The following PNMA2 variants were observed in gnomAD, a reference collection of about 807,000 sequenced individuals.
The protein encoded by PNMA2 is paraneoplastic antigen Ma2.
For missense variants in PNMA2, 455 were observed against 452.9 expected (o/e 1.00, Z -0.04); for synonymous variants, 175 against 183.5 (o/e 0.95, Z 0.38).
rs1438849661 is a variant in PNMA2 at position 26,507,611 on chromosome 8, T to A, written c.*50A>T. The A allele has an allele frequency of 1.3e-6, 2 of 1,494,240 alleles. No individual in the cohort carries two copies. Among genetic ancestry groups the A allele is most frequent in the East Asian group, 4.6e-5 (2 of 43,336 alleles). The allele number at this position is 1,494,240 out of a possible 1,614,324, so 92.6% of individuals were successfully genotyped here. ...AGTCCCATACATTAAAGAAAAAAAT[T>A]TTTTAAAGGTCTTAGCCCACTGGCT... On this transcript the variant is annotated 3_prime_UTR_variant, in exon 3 of 3. Coordinates refer to ENST00000522362, the MANE Select transcript of PNMA2 (RefSeq NM_007257.6).
chr8:26,508,221 C>G lies in PNMA2; in HGVS notation c.535G>C (p.Glu179Gln). 1.2e-6 allele frequency: 2 copies of G among 1,608,498 alleles called. No homozygotes were observed. The highest frequency in any genetic ancestry group is 1.7e-6 in the Non-Finnish European group (2 of 1,177,064). Residue 179 changes from glutamate to glutamine, a missense_variant, in exon 3 of 3, where the codon GAG (glutamate) becomes CAG (glutamine). Coordinates refer to ENST00000522362, the MANE Select transcript of PNMA2 (RefSeq NM_007257.6). The surrounding 1 kb of genome is among the most constrained non-coding windows in gnomAD (Gnocchi z 5.5). ...TGTTCCAACCAGACCTCAAAGGACT[C>G]TTCCTCTGGGGCTGGGACAGCACTC... The part of the protein sequence containing the change: ...SGSAVPAPEE[E>Q]SFEVWLEQAT...
chr8:26,508,977 C>T lies in PNMA2; in HGVS notation c.-222G>A. Reference sequence around the variant, plus strand: ...GAACTCAGGACTTCTTGTCTTTAGGCCTGACCCAGGTGGGCAGGTCGTATC... The same window carrying T: ...GAACTCAGGACTTCTTGTCTTTAGGTCTGACCCAGGTGGGCAGGTCGTATC... On this transcript the variant is annotated 5_prime_UTR_variant, in exon 3 of 3. Coordinates refer to ENST00000522362, the MANE Select transcript of PNMA2 (RefSeq NM_007257.6). The surrounding 1 kb of genome is among the most constrained non-coding windows in gnomAD (Gnocchi z 5.5). 1 of 1,289,926 alleles carries T rather than the reference C, an allele frequency of 7.8e-7. No homozygotes were observed. The highest frequency in any genetic ancestry group is 1.0e-6 in the Non-Finnish European group (1 of 996,598). The allele number at this position is 1,289,926 out of a possible 1,614,324, so 79.9% of individuals were successfully genotyped here.
chr8:26,511,250 C>T (rs1808149116), intron 1 of PNMA2, among the ~76,000 whole-genome samples: 1 of 151,762 alleles, frequency 6.6e-6, no homozygotes, highest in South Asian at 2.1e-4. Context: ...TTGGCCTAAA[C>T]ATCTTCATCA....
At position 26,508,626 on chromosome 8, in the gene PNMA2, T is replaced by A; in HGVS notation, c.130A>T (p.Lys44Ter). ...EIQEVLQETL[K>*]SLGRYRLLGK... ...AGCAGTCTATACCTGCCCAGAGACT[T>A]TAAAGTCTCCTGAAGGACCTCCTGA... is the stretch of plus-strand genomic sequence containing the variant. The change falls in exon 3 of 3, where the codon AAG (lysine) becomes TAG (stop). Residue 44 changes from lysine to a stop codon, truncating the protein, a stop_gained. Coordinates refer to ENST00000522362, the MANE Select transcript of PNMA2 (RefSeq NM_007257.6). LOFTEE classifies it high-confidence loss of function. This position sits in a 1 kb window ranked among gnomAD's most constrained non-coding sequence, Gnocchi z 5.5. 6.2e-7 allele frequency: 1 copy of A among 1,614,168 alleles called. No homozygotes were observed. Among genetic ancestry groups the A allele is most frequent in the Non-Finnish European group, 8.5e-7 (1 of 1,180,038 alleles).
In PNMA2 at chr8:26,507,539, G is replaced by T. The variant is rs898755350; in HGVS notation, c.*122C>A. ...AGGAGAGAAGGAGGAAGGGAGGGAA[G>T]GAAGGAAGGAAGGAAGGTCAATAAT... On this transcript the variant is annotated 3_prime_UTR_variant, in exon 3 of 3. Transcript: ENST00000522362. 1.3e-6 allele frequency: 1 copy of T among 790,084 alleles called. No homozygotes were observed. The highest frequency in any genetic ancestry group is 1.8e-5 in the African/African-American group (1 of 56,878). The allele number at this position is 790,084 out of a possible 1,614,324, so 48.9% of individuals were successfully genotyped here.
rs1369951088 is a variant in PNMA2, at chr8:26,509,427, G to A, written c.-489+121C>T. 3 of 152,224 alleles carry A rather than the reference G, an allele frequency of 2.0e-5. No individual in the cohort carries two copies. The highest frequency in any genetic ancestry group is 7.2e-5 in the African/African-American group (3 of 41,442). 9.4% of individuals were successfully genotyped at this position (152,224 alleles called of 1,614,324 possible). ...TTTTTTTTCTCTTGGGGACTCCAAT[G>A]AAATCTGGTGTCCCCACCATATGCT... is the stretch of plus-strand genomic sequence containing the variant. On this transcript the variant is annotated intron_variant, in intron 2 of 2. Transcript: ENST00000522362. The surrounding 1 kb of genome is among the most constrained non-coding windows in gnomAD (Gnocchi z 5.7).
chr8:26,513,410 AC>A (rs1808206958), intron 1 of PNMA2, among the ~76,000 whole-genome samples: 1 of 78,840 alleles, frequency 1.3e-5, no homozygotes, highest in Non-Finnish European at 2.6e-5. Context: ...CTCCCCCGTC[AC>A]CCCAACCACA....
rs538644127 is a variant in PNMA2, at chr8:26,505,290, A to T, written c.*2371T>A. The T allele has an allele frequency of 4.9e-4, 84 of 172,404 alleles. 1 individual carries two copies. The highest frequency in any genetic ancestry group is 1.9e-3 in the African/African-American group (81 of 42,262). 10.7% of individuals were successfully genotyped at this position (172,404 alleles called of 1,614,324 possible). On this transcript the variant is annotated 3_prime_UTR_variant, in exon 3 of 3. Transcript: ENST00000522362. ...TTGTTCATAACAACCGTGTACTCTC[A>T]TCTTCTTATTTTTCAGATGTGGAAA... is the stretch of plus-strand genomic sequence containing the variant.
chr8:26,507,842 T>C lies in PNMA2; in HGVS notation c.914A>G (p.Asn305Ser). The change falls in exon 3 of 3, where the codon AAC becomes AGC. Residue 305 changes from asparagine (N) to serine (S), a missense_variant. Transcript: ENST00000522362. The part of the protein sequence containing the change: ...LEQVMAGATL[N>S]QMLWCRLREL... ...CCTAAGCCGGCACCACAGCATCTGGTTAAGAGTGGCCCCAGCCATGACCTG... is the reference window on the plus strand; with the variant it reads ...CCTAAGCCGGCACCACAGCATCTGGCTAAGAGTGGCCCCAGCCATGACCTG... The C allele has an allele frequency of 6.2e-7, 1 of 1,614,014 alleles. No individual in the cohort carries two copies. The highest frequency in any genetic ancestry group is 8.5e-7 in the Non-Finnish European group (1 of 1,179,936).
rs144527764 is a variant in PNMA2, at chr8:26,506,850, G to T, written c.*811C>A. ...AACTCCTTGTACAGTGTCTCACAAAGCCAGGCACTCAGAGAGAATTTGCTG... is the reference window on the plus strand; with the variant it reads ...AACTCCTTGTACAGTGTCTCACAAATCCAGGCACTCAGAGAGAATTTGCTG... On this transcript the variant is annotated 3_prime_UTR_variant, in exon 3 of 3. Coordinates refer to ENST00000522362, the MANE Select transcript of PNMA2 (RefSeq NM_007257.6). This position sits in a 1 kb window ranked among gnomAD's most constrained non-coding sequence, Gnocchi z 4.4. 1 of 152,224 alleles carries T rather than the reference G, an allele frequency of 6.6e-6. No individual in the cohort carries two copies. The allele number at this position is 152,224 out of a possible 1,614,324, so 9.4% of individuals were successfully genotyped here.
Position 26,507,788 on chromosome 8 carries a change from C to G in PNMA2, c.968G>C (p.Ser323Thr). Reference protein sequence around the residue: ...RELKDQGPPPSFLELMKVIRE... With the variant: ...RELKDQGPPPTFLELMKVIRE... ...TATTACCTTCATTAGCTCAAGGAAG[C>G]TGGGGGGCGGGCCCTGATCCTTCAG... Residue 323 changes from serine to threonine, a missense_variant, in exon 3 of 3, where the codon AGC (serine) becomes ACC (threonine). Coordinates refer to ENST00000522362, the MANE Select transcript of PNMA2 (RefSeq NM_007257.6). 1.9e-6 allele frequency: 3 copies of G among 1,613,786 alleles called. No homozygotes were observed. The highest frequency in any genetic ancestry group is 2.5e-6 in the Non-Finnish European group (3 of 1,179,884).
In PNMA2 at chr8:26,507,918, C is replaced by T; in HGVS notation, c.838G>A (p.Val280Met). ...LRLETLLRRA[V>M]EKRAIPRRIA... ...CGCCGAGGGATGGCGCGTTTCTCCA[C>T]CGCTCTCCGGAGCAGGGTTTCTAGC... Residue 280 changes from valine to methionine, a missense_variant, in exon 3 of 3, where the codon GTG becomes ATG. By Grantham distance (21) the Val-to-Met change is conservative. Coordinates refer to ENST00000522362, the MANE Select transcript of PNMA2 (RefSeq NM_007257.6). 5.0e-6 allele frequency: 8 copies of T among 1,614,160 alleles called. No individual in the cohort carries two copies. Among genetic ancestry groups the T allele is most frequent in the Non-Finnish European group, 6.8e-6 (8 of 1,180,044 alleles).
chr8:26,513,436 C>T (rs1213895978), intron 1 of PNMA2, among the ~76,000 whole-genome samples: 1 of 150,224 alleles, frequency 6.7e-6, no homozygotes, highest in East Asian at 2.0e-4. Flanking sequence ...AGTGGATGCA[C>T]GAAGCGGGAA....
In PNMA2 at chr8:26,509,719, T is replaced by C. The variant is rs1808116142; in HGVS notation, c.-618-42A>G. ...ATAAGAACAGGTATTTATGCTTCATTAATATTCAGTAGGAAGACCGTTAAT... is the reference window on the plus strand; with the variant it reads ...ATAAGAACAGGTATTTATGCTTCATCAATATTCAGTAGGAAGACCGTTAAT... On this transcript the variant is annotated intron_variant, in intron 1 of 2. Coordinates refer to ENST00000522362, the MANE Select transcript of PNMA2 (RefSeq NM_007257.6). The surrounding 1 kb of genome is among the most constrained non-coding windows in gnomAD (Gnocchi z 5.7). 1 of 152,256 alleles carries C rather than the reference T, an allele frequency of 6.6e-6. No homozygotes were observed. The highest frequency in any genetic ancestry group is 6.5e-5 in the Admixed American group (1 of 15,286). The allele number at this position is 152,256 out of a possible 1,614,324, so 9.4% of individuals were successfully genotyped here. A position where few individuals can be genotyped will look rare whatever the true frequency, so the allele number is the denominator to read the frequency against.
At chr8:26,510,012 G>T (rs905019440) in intron 1 of PNMA2, among the ~76,000 whole-genome samples, 3 of 152,200 alleles carry the variant, frequency 2.0e-5, no homozygotes, top group South Asian at 2.1e-4. Context: ...TAGTTTGAAG[G>T]TTTGTCCCCT....
Position 26,507,160 on chromosome 8 carries a change from G to C in PNMA2, c.*501C>G, listed in dbSNP as rs191264079. On this transcript the variant is annotated 3_prime_UTR_variant, in exon 3 of 3. Transcript: ENST00000522362. ...AGAAAAATCAAGGGCCAGGCATGGCGGTTCATGCCTGTAATCCCAGCACTT... is the reference window on the plus strand; with the variant it reads ...AGAAAAATCAAGGGCCAGGCATGGCCGTTCATGCCTGTAATCCCAGCACTT... The C allele has an allele frequency of 2.0e-5, 3 of 152,268 alleles. No individual in the cohort carries two copies. The highest frequency in any genetic ancestry group is 4.4e-5 in the Non-Finnish European group (3 of 68,130). 9.4% of individuals were successfully genotyped at this position (152,268 alleles called of 1,614,324 possible). A position where few individuals can be genotyped will look rare whatever the true frequency, so the allele number is the denominator to read the frequency against.
intron 1 of PNMA2, among the ~76,000 whole-genome samples, chr8:26,511,222 G>GCTACAAC (rs1477196343): frequency 1.3e-5 from 2 of 152,086 alleles, no homozygotes; most frequent in African/African-American, 4.8e-5. Context: ...GTGTTAAGGG[G>GCTACAAC]CTACAACCAT....
intron 1 of PNMA2, chr8:26,512,870 G>A (rs1457201259): frequency 1.3e-5 from 2 of 152,396 alleles, no homozygotes; most frequent in African/African-American, 4.8e-5. Flanking sequence ...CACACACCAA[G>A]TTCCTACACA....
Position 26,507,522 on chromosome 8 carries a change from A to C in PNMA2, c.*139T>G. On this transcript the variant is annotated 3_prime_UTR_variant, in exon 3 of 3. Transcript: ENST00000522362. ...GGAGAGAGGAGGAGAGAAGGAGAGAAGGAGGAAGGGAGGGAAGGAAGGAAG... is the reference window on the plus strand; with the variant it reads ...GGAGAGAGGAGGAGAGAAGGAGAGACGGAGGAAGGGAGGGAAGGAAGGAAG... The C allele has an allele frequency of 1.5e-6, 1 of 669,922 alleles. No homozygotes were observed. Among genetic ancestry groups the C allele is most frequent in the Non-Finnish European group, 2.4e-6 (1 of 409,094 alleles). 41.5% of individuals were successfully genotyped at this position (669,922 alleles called of 1,614,324 possible).
Sources: gnomAD v4.1 joint callset for allele counts (sites outside exome capture counted in the v4.1 genomes callset) on GRCh38, gnomAD v4.1.1 for gene constraint, Gnocchi (gnomAD v3.1) non-coding constraint, MANE v1.5 for transcripts, NCBI Gene and HGNC (gene_info 2026-07-23, HGNC 2026-07-21) for gene names.